SLC24A3: variants seen among roughly 807,000 people sequenced by gnomAD.
SLC24A3 encodes the protein solute carrier family 24 member 3, also known as sodium/potassium/calcium exchanger 3.
A neutral mutation model predicts 75.8 loss-of-function variants in SLC24A3; 28 were observed. The ratio of observed to expected loss-of-function variants is 0.37; its 90% CI spans 0.27 to 0.51. The LOEUF is 0.51. Among genes scored for constraint, SLC24A3 ranks in the 20% least tolerant of loss-of-function variants. The probability of loss-of-function intolerance (pLI) is 0.94; values close to 1 mark genes in which losing one functional copy is unlikely to be tolerated. For synonymous variants in SLC24A3, 372 were observed against 334.1 expected (o/e 1.11, Z -1.24); for missense variants, 663 against 847.8 (o/e 0.78, Z 2.71).
At chr20:19,658,447 C>T (rs1340110285) in intron 7 of SLC24A3, among the ~76,000 whole-genome samples, 1 of 152,200 alleles carries the variant, frequency 6.6e-6, no homozygotes, top group Non-Finnish European at 1.5e-5. Context: ...TGGGGCGATC[C>T]ACTTCCCTAT....
chr20:19,646,031 G>C (rs1330908799), intron 6 of SLC24A3, among the ~76,000 whole-genome samples: 3 of 152,134 alleles, frequency 2.0e-5, no homozygotes, highest in Non-Finnish European at 4.4e-5. Context: ...CTCCAGCCTG[G>C]GCAACGAGAG....
At chr20:19,296,959 A>G (rs73284616) in intron 2 of SLC24A3, among the ~76,000 whole-genome samples, 3,064 of 152,342 alleles carry the variant, frequency 0.02, 41 homozygotes, top group African/African-American at 0.031. Flanking sequence ...ATTCACAGAT[A>G]CAGAACCCAT....
chr20:19,674,406 C>T (rs969239863), intron 9 of SLC24A3, among the ~76,000 whole-genome samples: 1 of 152,206 alleles, frequency 6.6e-6, no homozygotes, highest in African/African-American at 2.4e-5. Context: ...CCATCATGTA[C>T]TGGACTGGTG....
Position 19,511,364 on chromosome 20 carries a change from G to T in SLC24A3, c.272-4124G>T, listed in dbSNP as rs900129322. Among the ~76,000 whole-genome samples, 3 of 145,372 alleles carry T rather than the reference G, an allele frequency of 2.1e-5. No individual in the cohort carries two copies. The Admixed American group carries it at 2.1e-4, about 10-fold the overall frequency. ...TTTTTTTGAGATGGAGTCTCGCTCT[G>T]TCACCCAGGCTGGAGTACAGTGGCG... On this transcript the variant is annotated intron_variant, in intron 2 of 16. Coordinates refer to ENST00000328041, the MANE Select transcript of SLC24A3 (RefSeq NM_020689.4).
intron 6 of SLC24A3, among the ~76,000 whole-genome samples, chr20:19,589,168 C>A (rs1274424638): frequency 1.3e-5 from 2 of 152,210 alleles, no homozygotes; most frequent in Non-Finnish European, 2.9e-5. Flanking sequence ...CCAGGAAGTG[C>A]TTGTGGGACA....
chr20:19,291,026 G>A (rs1983928967), intron 2 of SLC24A3, among the ~76,000 whole-genome samples: 1 of 152,234 alleles, frequency 6.6e-6, no homozygotes, highest in South Asian at 2.1e-4. Flanking sequence ...AACAGGGAAT[G>A]TTCCTGCCTT....
intron 2 of SLC24A3, among the ~76,000 whole-genome samples, chr20:19,362,728 T>G (rs1046959635): frequency 1.6e-4 from 25 of 152,250 alleles, no homozygotes; most frequent in Non-Finnish European, 3.1e-4. Context: ...TCCCCTGCTG[T>G]TTCTACTTCA....
chr20:19,452,269 T>C (rs1987495776), intron 2 of SLC24A3, among the ~76,000 whole-genome samples: 1 of 152,208 alleles, frequency 6.6e-6, no homozygotes, highest in East Asian at 1.9e-4. Flanking sequence ...AAATCTACTA[T>C]CTAGCCGTCA....
intron 3 of SLC24A3, among the ~76,000 whole-genome samples, chr20:19,570,180 C>A (rs769554947): frequency 4.3e-5 from 6 of 140,610 alleles, no homozygotes; most frequent in African/African-American, 1.0e-4. Flanking sequence ...GCAGGCACAT[C>A]TTCACATGGC....
At chr20:19,522,756 C>T (rs779480843) in intron 3 of SLC24A3, among the ~76,000 whole-genome samples, 30 of 150,314 alleles carry the variant, frequency 2.0e-4, no homozygotes, top group Non-Finnish European at 4.1e-4. Context: ...CTGCCATGCC[C>T]AGGGCTCCAG....
intron 7 of SLC24A3, among the ~76,000 whole-genome samples, chr20:19,654,641 C>CTTTTTTTT (rs34507566): frequency 5.6e-5 from 5 of 89,964 alleles, no homozygotes; most frequent in Non-Finnish European, 1.0e-4. Flanking sequence ...AAATAGAATC[C>CTTTTTTTT]TTTTTTTTTT....
At chr20:19,545,749 G>A (rs970743075) in intron 3 of SLC24A3, among the ~76,000 whole-genome samples, 4 of 152,070 alleles carry the variant, frequency 2.6e-5, no homozygotes, top group Non-Finnish European at 5.9e-5. Context: ...GGTTCCCAGA[G>A]GAGTCAAAGA....
intron 15 of SLC24A3, among the ~76,000 whole-genome samples, chr20:19,710,100 C>A (rs2032972787): frequency 6.6e-6 from 1 of 152,084 alleles, no homozygotes; most frequent in African/African-American, 2.4e-5. Context: ...GTAAAACTAC[C>A]CAAATAAGAA....
intron 2 of SLC24A3, among the ~76,000 whole-genome samples, chr20:19,396,836 G>A (rs900247210): frequency 3.3e-5 from 5 of 152,150 alleles, no homozygotes; most frequent in South Asian, 2.1e-4. Flanking sequence ...AAAAAAATGT[G>A]TCAAAGCATG....
At chr20:19,628,202 C>CAAAAAAAAAAA (rs776701707) in intron 6 of SLC24A3, among the ~76,000 whole-genome samples, 3 of 51,830 alleles carry the variant, frequency 5.8e-5, no homozygotes, top group Non-Finnish European at 1.3e-4. Context: ...GACTCCATCT[C>CAAAAAAAAAAA]AAAAAAAAAA....
chr20:19,689,232 C>T (rs1042995212), intron 12 of SLC24A3, among the ~76,000 whole-genome samples: 16 of 152,138 alleles, frequency 1.1e-4, no homozygotes, highest in Admixed American at 7.9e-4. Context: ...TTTTTATTGC[C>T]GATATTATCG....
rs1367368365 is a variant in SLC24A3, at chr20:19,721,321, C to T, written c.*181C>T. 4 of 667,704 alleles carry T rather than the reference C, an allele frequency of 6.0e-6. No homozygotes were observed. Among genetic ancestry groups the T allele is most frequent in the African/African-American group, 5.5e-5 (3 of 54,774 alleles). 41.4% of individuals were successfully genotyped at this position (667,704 alleles called of 1,614,324 possible). A position where few individuals can be genotyped will look rare whatever the true frequency, so the allele number is the denominator to read the frequency against. ...CTGACCCATCCTCGCTCCCCCACCT[C>T]CTTGGGTCATGCCCACCCACCCTTT... On this transcript the variant is annotated 3_prime_UTR_variant, in exon 17 of 17. Coordinates refer to ENST00000328041, the MANE Select transcript of SLC24A3 (RefSeq NM_020689.4).
chr20:19,442,552 G>A (rs1436229529), intron 2 of SLC24A3, among the ~76,000 whole-genome samples: 1 of 151,904 alleles, frequency 6.6e-6, no homozygotes, highest in African/African-American at 2.4e-5. Context: ...TTTTTAATTG[G>A]GTTGTTTGCG....
intron 6 of SLC24A3, among the ~76,000 whole-genome samples, chr20:19,626,846 T>C (rs1415234735): frequency 6.6e-6 from 1 of 152,240 alleles, no homozygotes; most frequent in Non-Finnish European, 1.5e-5. Context: ...AATATACCTA[T>C]TTGATCATTC....
Sources: allele counts gnomAD v4.1 joint callset (sites outside exome capture counted in the v4.1 genomes callset), GRCh38; gene constraint gnomAD v4.1.1; transcripts MANE v1.5; gene names NCBI Gene and HGNC (gene_info 2026-07-23, HGNC 2026-07-21).